Variants in PPARGC1A observed in about 807,000 individuals in gnomAD.
PPARGC1A encodes the protein PPARG coactivator 1 alpha.
A neutral mutation model predicts 88.7 loss-of-function variants in PPARGC1A; 25 were observed. The observed-to-expected ratio is 0.28, with a 90% CI of 0.21 to 0.39. The LOEUF (loss-of-function observed/expected upper bound fraction) is 0.39, where lower values mean the gene tolerates loss of function less well. Among genes scored for constraint, PPARGC1A ranks in the 10% least tolerant of loss-of-function variants. The probability of loss-of-function intolerance (pLI) is 1.00; values close to 1 mark genes in which losing one functional copy is unlikely to be tolerated. For missense variants in PPARGC1A, 880 were observed against 968.7 expected (o/e 0.91, Z 1.22); for synonymous variants, 363 against 355.6 (o/e 1.02, Z -0.24).
chr4:24,433,442 G>A, the PPARGC1A span, among the ~76,000 whole-genome samples: 5 of 151,918 alleles, frequency 3.3e-5, no homozygotes, highest in Non-Finnish European at 5.9e-5. Flanking sequence ...GTTTTATTCC[G>A]GCCTACAAGT....
At chr4:24,207,110 C>T in the PPARGC1A span, among the ~76,000 whole-genome samples, 3 of 151,904 alleles carry the variant, frequency 2.0e-5, no homozygotes, top group African/African-American at 4.8e-5. Context: ...GGTAATTATA[C>T]ATAATTTAAC....
At chr4:24,061,287 A>G in the PPARGC1A span, among the ~76,000 whole-genome samples, 2 of 152,212 alleles carry the variant, frequency 1.3e-5, no homozygotes, top group East Asian at 1.9e-4. Context: ...CACCTTGGCT[A>G]GGAGTCAGTT....
At chr4:23,999,140 A>G in the PPARGC1A span, among the ~76,000 whole-genome samples, 1 of 152,108 alleles carries the variant, frequency 6.6e-6, no homozygotes, top group African/African-American at 2.4e-5. Flanking sequence ...CATATCTACG[A>G]GAATACCAAG....
the PPARGC1A span, among the ~76,000 whole-genome samples, chr4:24,032,631 C>T: frequency 0.018 from 2,675 of 152,308 alleles, 81 homozygotes; most frequent in African/African-American, 0.061. Context: ...CAAGTATTTG[C>T]TGAGCTTCTC....
the PPARGC1A span, among the ~76,000 whole-genome samples, chr4:24,023,361 T>C: frequency 6.6e-6 from 1 of 152,256 alleles, no homozygotes; most frequent in South Asian, 2.1e-4. Context: ...GAAGCCTAAG[T>C]TAACAGAAAA....
the PPARGC1A span, among the ~76,000 whole-genome samples, chr4:24,006,866 C>T: frequency 6.6e-6 from 1 of 152,162 alleles, no homozygotes. Flanking sequence ...ACAGCACCAA[C>T]CCACATAGAC....
the PPARGC1A span, among the ~76,000 whole-genome samples, chr4:24,035,675 G>A: frequency 6.6e-6 from 1 of 152,076 alleles, no homozygotes; most frequent in South Asian, 2.1e-4. Flanking sequence ...GTAGCATGAT[G>A]GTACACAGGC....
chr4:24,037,492 T>C, the PPARGC1A span, among the ~76,000 whole-genome samples: 16 of 152,300 alleles, frequency 1.1e-4, no homozygotes, highest in African/African-American at 3.6e-4. Flanking sequence ...TCAGATCACA[T>C]AGAAGCATCA....
At chr4:24,032,960 T>C in the PPARGC1A span, among the ~76,000 whole-genome samples, 71 of 152,328 alleles carry the variant, frequency 4.7e-4, no homozygotes, top group Middle Eastern at 6.8e-3. Context: ...AAGATATATC[T>C]TTATTTTAAG....
At chr4:24,418,250 G>C in the PPARGC1A span, among the ~76,000 whole-genome samples, 1 of 152,148 alleles carries the variant, frequency 6.6e-6, no homozygotes, top group African/African-American at 2.4e-5. Flanking sequence ...GAGGTTGAGT[G>C]AGCTGAAATA....
At chr4:24,344,093 T>C in the PPARGC1A span, among the ~76,000 whole-genome samples, 1 of 86,376 alleles carries the variant, frequency 1.2e-5, no homozygotes, top group African/African-American at 4.1e-5. Context: ...TATGTCTGTG[T>C]AGTATTCCAT....
At chr4:23,894,811 A>G (rs1718333764), upstream of PPARGC1A, among the ~76,000 whole-genome samples, 1 of 152,190 alleles carries the variant, frequency 6.6e-6, no homozygotes, top group Non-Finnish European at 1.5e-5. Context: ...ATAAGAGATA[A>G]TAAAAGGGTG....
chr4:23,990,873 A>G, the PPARGC1A span, among the ~76,000 whole-genome samples: 3 of 151,994 alleles, frequency 2.0e-5, no homozygotes, highest in Non-Finnish European at 2.9e-5. Context: ...AGAGAGAAAG[A>G]TTCCTCTCCC....
the PPARGC1A span, among the ~76,000 whole-genome samples, chr4:24,242,375 G>A: frequency 6.6e-6 from 1 of 152,172 alleles, no homozygotes; most frequent in Non-Finnish European, 1.5e-5. Context: ...AACTTGATGT[G>A]TTCTGGAATA....
At position 23,829,459 on chromosome 4, in the gene PPARGC1A, G is replaced by C. The variant is rs763878900; in HGVS notation, c.552+4C>G. ...CCCCTGTATTAAAAAATTTACATTTGTACCTTAACAATTGCAGGGTTTGTT... is the reference window on the plus strand; with the variant it reads ...CCCCTGTATTAAAAAATTTACATTTCTACCTTAACAATTGCAGGGTTTGTT... On this transcript the variant is annotated splice_donor_region_variant and intron_variant, in intron 4 of 12. Coordinates refer to ENST00000264867, the MANE Select transcript of PPARGC1A (RefSeq NM_013261.5). 1 of 1,612,510 alleles carries C rather than the reference G, an allele frequency of 6.2e-7. No homozygotes were observed.
the PPARGC1A span, among the ~76,000 whole-genome samples, chr4:24,450,328 C>T: frequency 5.9e-5 from 9 of 152,184 alleles, no homozygotes; most frequent in East Asian, 1.2e-3. Context: ...TTCACATGTA[C>T]GAACTCCTTT....
the PPARGC1A span, among the ~76,000 whole-genome samples, chr4:23,954,958 G>T: frequency 2.0e-5 from 3 of 152,014 alleles, no homozygotes; most frequent in Non-Finnish European, 4.4e-5. Context: ...GCATCGCTGG[G>T]TATCAGTATT....
chr4:23,874,868 G>A (rs1015639746), intron 2 of PPARGC1A, among the ~76,000 whole-genome samples: 1 of 152,108 alleles, frequency 6.6e-6, no homozygotes, highest in African/African-American at 2.4e-5. Context: ...ACAAGTGTTC[G>A]CTTCCACAAG....
the PPARGC1A span, among the ~76,000 whole-genome samples, chr4:24,315,527 C>T: frequency 6.6e-6 from 1 of 152,178 alleles, no homozygotes; most frequent in Non-Finnish European, 1.5e-5. Flanking sequence ...TGAGATGTGT[C>T]CACAAACCAA....
Sources: allele counts gnomAD v4.1 joint callset (sites outside exome capture counted in the v4.1 genomes callset), GRCh38; gene constraint gnomAD v4.1.1; transcripts MANE v1.5; gene names NCBI Gene and HGNC (gene_info 2026-07-23, HGNC 2026-07-21).